Variants in EPB41L1 observed in about 807,000 individuals in gnomAD.
EPB41L1 encodes the protein erythrocyte membrane protein band 4.1 like 1, also known as band 4.1-like protein 1.
In EPB41L1, 29 loss-of-function variants were observed where a neutral mutation model predicts 97.8. The observed-to-expected ratio is 0.30, with a 90% confidence interval of 0.22 to 0.40. The LOEUF (loss-of-function observed/expected upper bound fraction) is 0.40. EPB41L1 is among the 10% of genes least tolerant of loss of function. EPB41L1 has a pLI of 1.00. For missense variants in EPB41L1, 812 were observed against 1,162.3 expected, an observed-to-expected ratio of 0.70 and a Z score of 4.38; for synonymous variants, 383 against 459.2, an observed-to-expected ratio of 0.83 and a Z score of 2.12.
intron 1 of EPB41L1, among the ~76,000 whole-genome samples, chr20:36,165,007 A>G (rs2060681330): frequency 6.8e-6 from 1 of 147,858 alleles, no homozygotes. Context: ...TTTGAGACAG[A>G]ATCTCGTTCT....
Position 36,093,825 on chromosome 20 carries a change from G to A in EPB41L1, c.-65+2213G>A, listed in dbSNP as rs940557852. 1.3e-5 allele frequency among the ~76,000 whole-genome samples: 2 copies of A among 152,080 alleles called. No homozygotes were observed. The highest frequency in any genetic ancestry group is 4.8e-5 in the African/African-American group (2 of 41,394). On this transcript the variant is annotated intron_variant, in intron 1 of 19. Coordinates refer to the EPB41L1 transcript ENST00000202028. The surrounding 1 kb of genome is among the most constrained non-coding windows in gnomAD (Gnocchi z 5.4). The stretch of plus-strand genomic sequence containing the variant: ...AGGGATTCATTTCCTGTTGTGGCCA[G>A]GGGACATGTCCCCTCCGGCCTCCCC...
At chr20:36,197,479 A>G (rs2146526074) in intron 13 of EPB41L1, among the ~76,000 whole-genome samples, 1 of 152,326 alleles carries the variant, frequency 6.6e-6, no homozygotes, top group South Asian at 2.1e-4. Flanking sequence ...GCTATGCCTT[A>G]GTTGTAACAG....
intron 21 of EPB41L1, among the ~76,000 whole-genome samples, chr20:36,226,887 T>C (rs2064192109): frequency 6.6e-6 from 1 of 152,210 alleles, no homozygotes; most frequent in Non-Finnish European, 1.5e-5. Flanking sequence ...CTTCATTAAT[T>C]GATGCACAAA....
At chr20:36,186,472 A>T (rs1405674295) in intron 7 of EPB41L1, among the ~76,000 whole-genome samples, 3 of 152,016 alleles carry the variant, frequency 2.0e-5, no homozygotes, top group Non-Finnish European at 4.4e-5. Flanking sequence ...CGTGGGGAAG[A>T]GCCTGCTGGG....
chr20:36,103,696 TTTTC>T (rs1233103791), intron 1 of EPB41L1, among the ~76,000 whole-genome samples: 3 of 150,584 alleles, frequency 2.0e-5, no homozygotes, highest in Non-Finnish European at 4.4e-5. Flanking sequence ...CATTGTTTCT[TTTTC>T]TTTCTTTTTT....
In EPB41L1 at chr20:36,102,998, C is replaced by G. The variant is rs1299486876; in HGVS notation, c.-64-9428C>G. Among the ~76,000 whole-genome samples, 3 of 152,190 alleles carry G rather than the reference C, an allele frequency of 2.0e-5. No individual in the cohort carries two copies. The East Asian group carries it at 5.8e-4, about 29-fold the overall frequency. On this transcript the variant is annotated intron_variant, in intron 1 of 19. Transcript: ENST00000202028. ...CTCCCTGCCAAGAATGCCACCCCCT[C>G]CATTCCCCAATCACTGTTGAAATCC...
chr20:36,228,294 A>G (rs1353339557), intron 21 of EPB41L1, among the ~76,000 whole-genome samples: 3 of 152,214 alleles, frequency 2.0e-5, no homozygotes, highest in Admixed American at 2.0e-4. Flanking sequence ...TCATCATAAT[A>G]AGAACAGCCA....
In EPB41L1 at chr20:36,209,630, A is replaced by G. The variant is rs992808448; in HGVS notation, c.1811A>G (p.Lys604Arg). The change falls in exon 15 of 22, where the codon AAG becomes AGG. Residue 604 changes from lysine to arginine, a missense_variant. Lys to Arg is a conservative substitution (Grantham distance 26, BLOSUM62 2). Transcript: ENST00000338074. This position sits in a 1 kb window ranked among gnomAD's most constrained non-coding sequence, Gnocchi z 4.2. The part of the protein sequence containing the change: ...LKDNHLAIER[K>R]CSSITVSSTS... The stretch of plus-strand genomic sequence containing the variant: ...GACAACCACCTGGCCATTGAGCGCA[A>G]GTGCTCCAGCATCACGGTCAGCTCT... The G allele has an allele frequency of 2.5e-6, 4 of 1,614,064 alleles. No individual in the cohort carries two copies. The highest frequency in any genetic ancestry group is 1.6e-4 in the Middle Eastern group (1 of 6,084).
intron 17 of EPB41L1, 47 bp from the exon 18 acceptor site, chr20:36,218,829 G>A (rs764028192): frequency 1.9e-6 from 3 of 1,586,582 alleles, no homozygotes; most frequent in South Asian, 2.2e-5. Flanking sequence ...CATCCTGGGG[G>A]CCCACCCGGC....
At chr20:36,136,654 T>C (rs2059428748) in intron 2 of EPB41L1, among the ~76,000 whole-genome samples, 1 of 151,598 alleles carries the variant, frequency 6.6e-6, no homozygotes, top group African/African-American at 2.4e-5. Flanking sequence ...GGTGCAATCA[T>C]AGCTCACTCC....
chr20:36,166,334 G>A (rs2060737278), intron 1 of EPB41L1, among the ~76,000 whole-genome samples: 1 of 152,190 alleles, frequency 6.6e-6, no homozygotes, highest in Non-Finnish European at 1.5e-5. Context: ...GGGATAATAA[G>A]AGTACCTATT....
At chr20:36,107,756 G>A (rs2058246526) in intron 1 of EPB41L1, among the ~76,000 whole-genome samples, 1 of 151,730 alleles carries the variant, frequency 6.6e-6, no homozygotes, top group Non-Finnish European at 1.5e-5. Context: ...TGGAACCTGG[G>A]AGGTGGAGAT....
chr20:36,218,481 T>C (rs1691990957), intron 17 of EPB41L1, among the ~76,000 whole-genome samples: 1 of 152,206 alleles, frequency 6.6e-6, no homozygotes, highest in Admixed American at 6.5e-5. Context: ...GGTCCTTTTT[T>C]ACAGATGAAT....
chr20:36,205,740 T>A (rs1010654964), intron 14 of EPB41L1: 1 of 1,121,804 alleles, frequency 8.9e-7, no homozygotes, highest in East Asian at 5.9e-5. Flanking sequence ...TGTCCCAAAG[T>A]CAAACATTTC....
intron 2 of EPB41L1, among the ~76,000 whole-genome samples, chr20:36,131,495 A>G (rs1370060741): frequency 6.6e-6 from 1 of 151,906 alleles, no homozygotes; most frequent in African/African-American, 2.4e-5. Context: ...GCATTCATTC[A>G]TCCTAAGGCG....
At chr20:36,117,797 C>G (rs1433814842) in intron 2 of EPB41L1, among the ~76,000 whole-genome samples, 1 of 152,250 alleles carries the variant, frequency 6.6e-6, no homozygotes, top group Non-Finnish European at 1.5e-5. Flanking sequence ...GACTCCCTCT[C>G]TGGTTCAGCC....
At position 36,187,593 on chromosome 20, in the gene EPB41L1, G is replaced by C. The variant is rs182944407; in HGVS notation, c.786-83G>C. On this transcript the variant is annotated intron_variant, in intron 7 of 21. Transcript: ENST00000338074. ...CATATTTGACTTTCTAGAATCATGGGTTCTGATGGTGGGCACCTTTGGACA... is the reference window on the plus strand; with the variant it reads ...CATATTTGACTTTCTAGAATCATGGCTTCTGATGGTGGGCACCTTTGGACA... 1.8e-5 allele frequency: 20 copies of C among 1,101,428 alleles called. No homozygotes were observed. In the East Asian group the frequency reaches 4.2e-4, roughly 23 times the overall value. The allele number at this position is 1,101,428 out of a possible 1,614,324, so 68.2% of individuals were successfully genotyped here.
At position 36,206,134 on chromosome 20, in the gene EPB41L1, G is replaced by A; in HGVS notation, c.1669-3354G>A. On this transcript the variant is annotated intron_variant, in intron 14 of 21. Coordinates refer to ENST00000338074, the MANE Select transcript of EPB41L1 (RefSeq NM_012156.2). The surrounding 1 kb of genome is among the most constrained non-coding windows in gnomAD (Gnocchi z 5.5). ...GGGGGAGGAAGGCCCCTGGATCAGG[G>A]AAAGCCCAGGAGGGGCTGCCCTGGC... 3.1e-6 allele frequency: 4 copies of A among 1,289,912 alleles called. No homozygotes were observed. Among genetic ancestry groups the A allele is most frequent in the Non-Finnish European group, 4.0e-6 (4 of 988,902 alleles). 79.9% of individuals were successfully genotyped at this position (1,289,912 alleles called of 1,614,324 possible).
chr20:36,148,485 C>T lies in EPB41L1; in HGVS notation c.-9-27066C>T, dbSNP rs567780758. 5.3e-5 allele frequency among the ~76,000 whole-genome samples: 8 copies of T among 152,302 alleles called. No individual in the cohort carries two copies. The South Asian group carries it at 1.5e-3, about 28-fold the overall frequency. ...TGGAACCAGTCAGTTTGACAAAGCT[C>T]ATCACATGGAATCTGAGAATGAGGC... On this transcript the variant is annotated intron_variant, in intron 2 of 19. Coordinates refer to the EPB41L1 transcript ENST00000202028.
Sources: gnomAD v4.1 joint callset for allele counts (sites outside exome capture counted in the v4.1 genomes callset) on GRCh38, gnomAD v4.1.1 for gene constraint, Gnocchi (gnomAD v3.1) non-coding constraint, MANE v1.5 for transcripts, NCBI Gene and HGNC (gene_info 2026-07-23, HGNC 2026-07-21) for gene names.